Variants in LYPD6B observed in about 807,000 individuals in gnomAD.
The protein encoded by LYPD6B is LY6/PLAUR domain containing 6B, also known as ly6/PLAUR domain-containing protein 6B.
A neutral mutation model predicts 22.8 loss-of-function variants in LYPD6B; 17 were observed. The observed-to-expected ratio is 0.75, with a 90% CI of 0.51 to 1.12. LYPD6B has a LOEUF of 1.12. Among genes scored for constraint, LYPD6B ranks in the 50% most tolerant of loss-of-function variants. The probability of loss-of-function intolerance (pLI) is 0.00; values close to 1 mark genes in which losing one functional copy is unlikely to be tolerated. For missense variants in LYPD6B, 221 were observed against 258.3 expected, an observed-to-expected ratio of 0.86 and a Z score of 0.99; for synonymous variants, 106 against 91.6, an observed-to-expected ratio of 1.16 and a Z score of -0.90.
chr2:149,100,468 T>C (rs1214034259), intron 1 of LYPD6B, among the ~76,000 whole-genome samples: 1 of 145,640 alleles, frequency 6.9e-6, no homozygotes, highest in Non-Finnish European at 1.5e-5. Context: ...GAAGGGTCCA[T>C]TTGTCTCTGG....
rs529003265 is a variant in LYPD6B, at chr2:149,083,925, CA to C, written c.-67+45130del. ...CCCTGTGTCTACTAAAATAAAAAAA[CA>C]AAAAACAACAAAGAACAAAAACAAA... is the stretch of plus-strand genomic sequence containing the variant. On this transcript the variant is annotated intron_variant, in intron 1 of 6. Transcript: ENST00000409642. Among the ~76,000 whole-genome samples, 3 of 148,276 alleles carry C rather than the reference CA, an allele frequency of 2.0e-5. No individual in the cohort carries two copies. In the East Asian group the frequency reaches 5.9e-4, roughly 29 times the overall value.
At chr2:149,194,963 C>A (rs1179901841) in intron 3 of LYPD6B, among the ~76,000 whole-genome samples, 1 of 152,144 alleles carries the variant, frequency 6.6e-6, no homozygotes, top group African/African-American at 2.4e-5. Flanking sequence ...GTTGAACAGA[C>A]CTTCAGTTGC....
At chr2:149,161,625 C>G (rs1032737403) in intron 3 of LYPD6B, 7 of 152,168 alleles carry the variant, frequency 4.6e-5, no homozygotes, top group African/African-American at 1.7e-4. Flanking sequence ...TTCTTCTTGG[C>G]TATCAAGGCT....
At chr2:149,043,997 T>C (rs1443342860) in intron 1 of LYPD6B, among the ~76,000 whole-genome samples, 2 of 152,108 alleles carry the variant, frequency 1.3e-5, no homozygotes, top group Non-Finnish European at 2.9e-5. Context: ...GTATGCTTAC[T>C]TCATGCCAAC....
intron 1 of LYPD6B, among the ~76,000 whole-genome samples, chr2:149,089,001 A>G (rs141545796): frequency 6.6e-6 from 1 of 152,232 alleles, no homozygotes; most frequent in African/African-American, 2.4e-5. Flanking sequence ...GTTCTCAAAC[A>G]CTCAGTTTCC....
intron 1 of LYPD6B, among the ~76,000 whole-genome samples, chr2:149,083,262 C>T (rs1039146441): frequency 1.8e-4 from 28 of 152,192 alleles, no homozygotes; most frequent in African/African-American, 6.8e-4. Flanking sequence ...TAGCATTTCA[C>T]CCCTAAATAC....
Position 149,191,620 on chromosome 2 carries a change from C to T in LYPD6B, c.78-13633C>T, listed in dbSNP as rs114435983. ...TTTCACTATTAGGACTAGTCATTCT[C>T]CAAATGAAATAGTAAATTACCTACT... On this transcript the variant is annotated intron_variant, in intron 3 of 6. Transcript: ENST00000409642. Among the ~76,000 whole-genome samples, 719 of 152,214 alleles carry T rather than the reference C, an allele frequency of 4.7e-3. 8 individuals carry two copies. Among genetic ancestry groups the T allele is most frequent in the African/African-American group, 0.017 (693 of 41,520 alleles).
intron 1 of LYPD6B, among the ~76,000 whole-genome samples, chr2:149,091,983 A>T (rs1438955687): frequency 6.6e-6 from 1 of 150,582 alleles, no homozygotes; most frequent in Non-Finnish European, 1.5e-5. Context: ...CTTGTGAACA[A>T]CTGTGTTGTC....
Position 149,211,984 on chromosome 2 carries a change from G to T in LYPD6B, c.329-1008G>T, listed in dbSNP as rs1387899806. Among the ~76,000 whole-genome samples, 4 of 151,178 alleles carry T rather than the reference G, an allele frequency of 2.6e-5. No individual in the cohort carries two copies. The East Asian group carries it at 7.7e-4, about 29-fold the overall frequency. On this transcript the variant is annotated intron_variant, in intron 5 of 6. Transcript: ENST00000409642. Reference sequence around the variant, plus strand: ...TACTGTAGATAAGCAGGAGGTGGTGGGTGGGAAACAGAGAAAGTAAAAGAG... The same window carrying T: ...TACTGTAGATAAGCAGGAGGTGGTGTGTGGGAAACAGAGAAAGTAAAAGAG...
At chr2:149,175,055 C>CTGTGTG (rs1406656896) in intron 3 of LYPD6B, among the ~76,000 whole-genome samples, 15 of 133,526 alleles carry the variant, frequency 1.1e-4, no homozygotes, top group Admixed American at 3.1e-4. Context: ...CTCTCTCTCT[C>CTGTGTG]TCTCTCTGTG....
At chr2:149,050,922 A>G (rs1683521151) in intron 1 of LYPD6B, among the ~76,000 whole-genome samples, 1 of 152,150 alleles carries the variant, frequency 6.6e-6, no homozygotes, top group South Asian at 2.1e-4. Context: ...ATATATATTC[A>G]TTATAAAAGA....
chr2:149,083,986 C>T (rs1260218444), intron 1 of LYPD6B, among the ~76,000 whole-genome samples: 2 of 151,686 alleles, frequency 1.3e-5, no homozygotes, highest in Admixed American at 6.6e-5. Context: ...GTGGCATGCG[C>T]CTGTAGTCCC....
intron 3 of LYPD6B, among the ~76,000 whole-genome samples, chr2:149,203,362 GA>G (rs1342051596): frequency 7.9e-5 from 12 of 152,098 alleles, no homozygotes; most frequent in African/African-American, 2.9e-4. Flanking sequence ...CTGAGACTGT[GA>G]AAAAGGGATT....
intron 1 of LYPD6B, among the ~76,000 whole-genome samples, chr2:149,040,481 C>T (rs770282544): frequency 6.6e-6 from 1 of 152,120 alleles, no homozygotes. Context: ...CCGTCTTGGC[C>T]TCCCAAAGTG....
At chr2:149,087,314 T>G (rs1685446292) in intron 1 of LYPD6B, among the ~76,000 whole-genome samples, 1 of 152,166 alleles carries the variant, frequency 6.6e-6, no homozygotes, top group Non-Finnish European at 1.5e-5. Context: ...TAATTGAGTT[T>G]AGTGAGAAAA....
At chr2:149,214,397 C>T (rs1694064590) in intron 6 of LYPD6B, 149 bp from the exon 7 acceptor site, 4 of 695,940 alleles carry the variant, frequency 5.7e-6, no homozygotes, top group Non-Finnish European at 9.5e-6. Flanking sequence ...GAAGGGTACC[C>T]AAGAGCCTAG....
At chr2:149,050,178 G>A (rs1306055349) in intron 1 of LYPD6B, among the ~76,000 whole-genome samples, 1 of 151,904 alleles carries the variant, frequency 6.6e-6, no homozygotes, top group Non-Finnish European at 1.5e-5. Context: ...TTCAAGGCTG[G>A]TAGATTTAAG....
intron 2 of LYPD6B, chr2:149,142,131 T>G (rs1304666616): frequency 6.6e-6 from 1 of 152,236 alleles, no homozygotes; most frequent in Non-Finnish European, 1.5e-5. Flanking sequence ...ATACTGGTGT[T>G]CTGGCCAACT....
intron 6 of LYPD6B, 80 bp from the exon 7 acceptor site, chr2:149,214,466 C>T: frequency 6.9e-7 from 1 of 1,452,016 alleles, no homozygotes; most frequent in Non-Finnish European, 9.6e-7. Context: ...GCTCAAGAAG[C>T]CTTTGTTTTA....
Sources: allele counts gnomAD v4.1 joint callset (sites outside exome capture counted in the v4.1 genomes callset), GRCh38; gene constraint gnomAD v4.1.1; transcripts MANE v1.5; gene names NCBI Gene and HGNC (gene_info 2026-07-23, HGNC 2026-07-21).